Variants in DCHS2 observed in about 807,000 individuals in gnomAD.
The protein encoded by DCHS2 is dachsous cadherin-related 2, also known as protocadherin-23.
A neutral mutation model predicts 182.4 loss-of-function variants in DCHS2; 142 were observed. The observed-to-expected ratio is 0.78, with a 90% CI of 0.68 to 0.89. DCHS2 has a LOEUF of 0.89. Among genes scored for constraint, DCHS2 ranks in the 40% least tolerant of loss-of-function variants. The probability of loss-of-function intolerance (pLI) is 0.00; values close to 1 mark genes in which losing one functional copy is unlikely to be tolerated. For missense variants in DCHS2, 4,319 were observed against 4,198.6 expected, an observed-to-expected ratio of 1.03 and a Z score of -0.79; for synonymous variants, 1,740 against 1,663.3, an observed-to-expected ratio of 1.05 and a Z score of -1.12.
At chr4:154,432,416 T>C (rs1417300593) in intron 1 of DCHS2, among the ~76,000 whole-genome samples, 1 of 152,202 alleles carries the variant, frequency 6.6e-6, no homozygotes, top group African/African-American at 2.4e-5. Context: ...CCTCATTTTC[T>C]TTATCAGGCA....
intron 1 of DCHS2, among the ~76,000 whole-genome samples, chr4:154,448,511 G>A (rs946754880): frequency 3.4e-4 from 52 of 151,890 alleles, no homozygotes; most frequent in African/African-American, 1.2e-3. Context: ...CATCACTCCT[G>A]CCACCACCCA....
At chr4:154,486,552 A>G in intron 1 of DCHS2, 1 of 1,302,266 alleles carries the variant, frequency 7.7e-7, no homozygotes, top group Non-Finnish European at 1.0e-6. Flanking sequence ...AGATGGCAAC[A>G]GAAAGAAGGT....
intron 14 of DCHS2, among the ~76,000 whole-genome samples, chr4:154,263,675 T>A: frequency 7.0e-6 from 1 of 142,656 alleles, no homozygotes. Context: ...TCCAAATCAG[T>A]GGCCATTATT....
At chr4:154,389,012 G>A (rs1047802856) in intron 1 of DCHS2, among the ~76,000 whole-genome samples, 2 of 152,092 alleles carry the variant, frequency 1.3e-5, no homozygotes, top group Non-Finnish European at 2.9e-5. Context: ...AACCAGGGGT[G>A]AGCAAGGGCC....
At chr4:154,444,197 A>AT (rs1734160540) in intron 1 of DCHS2, among the ~76,000 whole-genome samples, 2 of 152,154 alleles carry the variant, frequency 1.3e-5, no homozygotes, top group Admixed American at 1.3e-4. Context: ...CCTCAAATTC[A>AT]TATCTCCAAC....
At chr4:154,275,115 T>C (rs970453929) in intron 13 of DCHS2, among the ~76,000 whole-genome samples, 1 of 151,682 alleles carries the variant, frequency 6.6e-6, no homozygotes, top group Admixed American at 6.6e-5. Context: ...CTGGAACAAA[T>C]AGTAGTTTTC....
chr4:154,234,830 A>AAAAG lies in DCHS2; in HGVS notation c.9818_9821dup (p.Val3275PhefsTer17). ...CTGTTATCAAAGGGGGTGGAAAAAC[A>AAAAG]AAAGATTTCTTCTCTTTTGGAATGC... On this transcript the variant is annotated frameshift_variant, in exon 20 of 20. Coordinates refer to ENST00000357232, the MANE Select transcript of DCHS2 (RefSeq NM_001358235.2). LOFTEE classifies it low-confidence loss of function (END_TRUNC). The AAAAG allele has an allele frequency of 6.2e-7, 1 of 1,614,054 alleles. No individual in the cohort carries two copies. Among genetic ancestry groups the AAAAG allele is most frequent in the Non-Finnish European group, 8.5e-7 (1 of 1,179,962 alleles).
intron 1 of DCHS2, among the ~76,000 whole-genome samples, chr4:154,422,921 G>A (rs988289876): frequency 9.9e-5 from 15 of 152,122 alleles, no homozygotes; most frequent in Non-Finnish European, 1.8e-4. Context: ...CTGTCCAGGC[G>A]TGAAGTCTCC....
At chr4:154,353,816 G>A (rs572458808) in intron 3 of DCHS2, among the ~76,000 whole-genome samples, 3 of 152,296 alleles carry the variant, frequency 2.0e-5, no homozygotes, top group South Asian at 4.1e-4. Flanking sequence ...TTTCCTGGGC[G>A]ATTAGCCAGA....
intron 1 of DCHS2, among the ~76,000 whole-genome samples, chr4:154,426,320 C>G (rs958535302): frequency 6.6e-6 from 1 of 152,152 alleles, no homozygotes; most frequent in African/African-American, 2.4e-5. Context: ...TAGTGAATAC[C>G]TAACAGAGAA....
chr4:154,437,116 T>G (rs1287886746), intron 1 of DCHS2, among the ~76,000 whole-genome samples: 1 of 152,182 alleles, frequency 6.6e-6, no homozygotes, highest in Non-Finnish European at 1.5e-5. Flanking sequence ...CCTTTTCAGT[T>G]TAGCCCCTTG....
intron 16 of DCHS2, 133 bp from the exon 17 acceptor site, chr4:154,242,905 A>G: frequency 7.7e-7 from 1 of 1,303,658 alleles, no homozygotes. Context: ...TGGATTTTCT[A>G]AATGGCATCA....
At chr4:154,488,857 G>C (rs1246240606) in intron 1 of DCHS2, among the ~76,000 whole-genome samples, 1 of 152,002 alleles carries the variant, frequency 6.6e-6, no homozygotes, top group African/African-American at 2.4e-5. Flanking sequence ...GGGCAACAGA[G>C]TGACACTCTG....
chr4:154,445,919 A>G (rs891078596), intron 1 of DCHS2, among the ~76,000 whole-genome samples: 20 of 152,206 alleles, frequency 1.3e-4, no homozygotes, highest in Non-Finnish European at 2.6e-4. Flanking sequence ...CCTCATTATA[A>G]GAATGCATTT....
At chr4:154,392,534 A>G (rs1348363143) in intron 1 of DCHS2, among the ~76,000 whole-genome samples, 1 of 152,256 alleles carries the variant, frequency 6.6e-6, no homozygotes, top group African/African-American at 2.4e-5. Flanking sequence ...TGACTGCACT[A>G]TAGCTAACTG....
intron 3 of DCHS2, chr4:154,354,821 C>A (rs537896512): frequency 6.6e-6 from 1 of 152,324 alleles, no homozygotes; most frequent in African/African-American, 2.4e-5. Flanking sequence ...TGCTCTCCTG[C>A]TGTCATGAAT....
At chr4:154,331,535 G>T in intron 5 of DCHS2, 2 of 1,551,936 alleles carry the variant, frequency 1.3e-6, no homozygotes, top group Non-Finnish European at 8.7e-7. Flanking sequence ...AACCTTCTTG[G>T]CAAGCCATGT....
chr4:154,341,368 CAA>C (rs369958308), intron 3 of DCHS2, among the ~76,000 whole-genome samples: 11 of 58,534 alleles, frequency 1.9e-4, no homozygotes, highest in Admixed American at 1.9e-4. Flanking sequence ...GACTCTGTCT[CAA>C]AAAAAAAAAA....
In DCHS2 at chr4:154,489,767, G is replaced by A; in HGVS notation, c.1589C>T (p.Ala530Val). The change falls in exon 1 of 20, where the codon GCT becomes GTT. Residue 530 changes from alanine to valine, a missense_variant. Transcript: ENST00000357232. The stretch of plus-strand genomic sequence containing the variant: ...GAGAGGTGGTTGGTCATTGAGGTCA[G>A]CGACCCGGAGTAGCAGCGTCTCCTC... ...STEETLLLRV[A>V]DLNDQPPLFS... 6.4e-7 allele frequency: 1 copy of A among 1,551,640 alleles called. No homozygotes were observed.
Sources: gnomAD v4.1 joint callset for allele counts (sites outside exome capture counted in the v4.1 genomes callset) on GRCh38, gnomAD v4.1.1 for gene constraint, MANE v1.5 for transcripts, NCBI Gene and HGNC (gene_info 2026-07-23, HGNC 2026-07-21) for gene names.